The following NOL8 variants were observed in gnomAD, a reference collection of about 807,000 sequenced individuals.
NOL8 encodes the protein nucleolar protein 8.
NOL8 carries 93 observed loss-of-function variants against 116.1 expected under a neutral mutation model. That is an observed-to-expected ratio of 0.80 (90% CI 0.68 to 0.95). NOL8 has a LOEUF of 0.95. Ranked by LOEUF, NOL8 falls within the 40% of genes least tolerant of loss-of-function variation. The pLI is 0.00. For missense variants in NOL8, 1,291 were observed against 1,382.8 expected, an observed-to-expected ratio of 0.93 and a Z score of 1.05; for synonymous variants, 419 against 469.0, an observed-to-expected ratio of 0.89 and a Z score of 1.38.
intron 14 of NOL8, 22 bp from the exon 15 acceptor site, chr9:92,298,976 A>T: frequency 7.1e-7 from 1 of 1,406,640 alleles, no homozygotes; most frequent in Non-Finnish European, 9.6e-7. Flanking sequence ...GGGACAAAGG[A>T]GAGAGAAAAA....
In NOL8 at chr9:92,310,641, TCA is replaced by T; in HGVS notation, c.2505_2506del (p.Phe835LeufsTer2). 6.2e-7 allele frequency: 1 copy of T among 1,612,158 alleles called. No individual in the cohort carries two copies. The highest frequency in any genetic ancestry group is 8.5e-7 in the Non-Finnish European group (1 of 1,179,282). ...ATCAGATTCGTCATCATCACTGCTA[TCA>T]AACAGCTTCCCTGATGTTTTACCCA... On this transcript the variant is annotated frameshift_variant, in exon 9 of 17. Coordinates refer to ENST00000442668, the MANE Select transcript of NOL8 (RefSeq NM_017948.6). LOFTEE classifies it high-confidence loss of function.
At chr9:92,317,164 T>C (rs1314003360) in intron 6 of NOL8, among the ~76,000 whole-genome samples, 1 of 152,222 alleles carries the variant, frequency 6.6e-6, no homozygotes, top group Non-Finnish European at 1.5e-5. Flanking sequence ...AGTCTCACTA[T>C]GTTGCCTAGA....
At position 92,301,788 on chromosome 9, in the gene NOL8, C is replaced by G. The variant is rs753946992; in HGVS notation, c.2938G>C (p.Glu980Gln). 6.3e-7 allele frequency: 1 copy of G among 1,597,596 alleles called. No individual in the cohort carries two copies. The highest frequency in any genetic ancestry group is 8.5e-7 in the Non-Finnish European group (1 of 1,171,260). The change falls in exon 13 of 17, where the codon GAG (glutamate) becomes CAG (glutamine). Residue 980 changes from glutamate (E) to glutamine (Q), a missense_variant. By Grantham distance (29) the Glu-to-Gln change is conservative. Coordinates refer to ENST00000442668, the MANE Select transcript of NOL8 (RefSeq NM_017948.6). ...AKRKKKREEA[E>Q]KLPEVSKEMY... Reference sequence around the variant, plus strand: ...TCTTTAGACACCTCAGGTAGTTTCTCAGCTTCCTCCCTTTTCTTTTTTCGT... The same window carrying G: ...TCTTTAGACACCTCAGGTAGTTTCTGAGCTTCCTCCCTTTTCTTTTTTCGT...
chr9:92,312,827 CAAAAAAAAAAAAAA>C, intron 7 of NOL8, among the ~76,000 whole-genome samples: 1 of 55,454 alleles, frequency 1.8e-5, no homozygotes, highest in South Asian at 5.9e-4. Flanking sequence ...AACTCCATCT[CAAAAAAAAAAAAAA>C]AAAAAAAGAA....
At chr9:92,321,208 A>T (rs1241051159) in intron 4 of NOL8, among the ~76,000 whole-genome samples, 1 of 152,212 alleles carries the variant, frequency 6.6e-6, no homozygotes, top group Non-Finnish European at 1.5e-5. Flanking sequence ...ATAAACTGAG[A>T]GAAACACCTG....
chr9:92,305,872 G>A (rs1309257125), intron 11 of NOL8, 42 bp from the exon 12 acceptor site: 2 of 1,348,160 alleles, frequency 1.5e-6, no homozygotes, highest in East Asian at 2.3e-5. Context: ...GATAAAAACA[G>A]AACACTAATA....
At chr9:92,301,415 A>G (rs2134085269) in intron 13 of NOL8, 136 bp downstream of exon 13, 2 of 689,136 alleles carry the variant, frequency 2.9e-6, no homozygotes, top group East Asian at 6.3e-5. Flanking sequence ...CTCCTGTGAC[A>G]CTAAATCTCA....
At chr9:92,311,118 G>A in intron 8 of NOL8, 28 bp downstream of exon 8, 1 of 1,517,534 alleles carries the variant, frequency 6.6e-7, no homozygotes, top group Non-Finnish European at 9.1e-7. Flanking sequence ...GTAGATGAAT[G>A]TCCACAGAGA....
intron 7 of NOL8, among the ~76,000 whole-genome samples, chr9:92,313,949 TAGA>T (rs1839104709): frequency 6.6e-6 from 1 of 152,174 alleles, no homozygotes; most frequent in African/African-American, 2.4e-5. Flanking sequence ...TAACAATTGT[TAGA>T]AGAATGAACA....
At chr9:92,298,544 T>G (rs1368234565) in intron 15 of NOL8, 5 of 498,388 alleles carry the variant, frequency 1.0e-5, no homozygotes, top group Non-Finnish European at 1.8e-5. Flanking sequence ...TTTACTATTA[T>G]GTAACTTTGT....
chr9:92,302,460 G>A (rs189807076), intron 12 of NOL8, among the ~76,000 whole-genome samples: 63 of 152,248 alleles, frequency 4.1e-4, no homozygotes, highest in African/African-American at 1.4e-3. Context: ...AATGTACTAC[G>A]TAAAATAATA....
chr9:92,307,503 GAAA>G (rs1038793031), intron 10 of NOL8, among the ~76,000 whole-genome samples: 1 of 152,040 alleles, frequency 6.6e-6, no homozygotes, highest in Admixed American at 6.6e-5. Flanking sequence ...AGTATTATGG[GAAA>G]AAAACCATAT....
chr9:92,311,427 C>T (rs770908839), intron 7 of NOL8, among the ~76,000 whole-genome samples, 168 bp from the exon 8 acceptor site: 28 of 152,150 alleles, frequency 1.8e-4, no homozygotes, highest in Non-Finnish European at 2.9e-4. Flanking sequence ...CGTACAGAAT[C>T]GGAGAAAATA....
In NOL8 at chr9:92,315,339, T is replaced by G; in HGVS notation, c.1286A>C (p.Lys429Thr). The change falls in exon 7 of 17, where the codon AAA becomes ACA. Residue 429 changes from lysine to threonine, a missense_variant. Physicochemically the swap from Lys to Thr is moderately conservative, Grantham distance 78. Coordinates refer to ENST00000442668, the MANE Select transcript of NOL8 (RefSeq NM_017948.6). ...GGCTGACTCTACATTGCTTTTTCTT[T>G]TTTGTAGTTTAATACAGTGATCAGA... ...ELSDHCIKLQ[K>T]RKSNVESALS... The G allele has an allele frequency of 6.2e-7, 1 of 1,612,970 alleles. No individual in the cohort carries two copies. The highest frequency in any genetic ancestry group is 1.1e-5 in the South Asian group (1 of 90,908).
intron 6 of NOL8, among the ~76,000 whole-genome samples, chr9:92,318,258 T>C (rs1346423203): frequency 6.6e-6 from 1 of 152,110 alleles, no homozygotes; most frequent in Non-Finnish European, 1.5e-5. Context: ...CTACTTCCCA[T>C]CACTTCTTAT....
At position 92,314,780 on chromosome 9, in the gene NOL8, A is replaced by G. The variant is rs1385049428; in HGVS notation, c.1845T>C (p.Asp615=). 6.2e-7 allele frequency: 1 copy of G among 1,613,826 alleles called. No homozygotes were observed. Residue 615 remains aspartate, a synonymous_variant, in exon 7 of 17, where the codon GAT becomes GAC. Transcript: ENST00000442668. The part of the protein sequence containing the change: ...HEDPSIISME[D]GSPYVNGSLG... ...ATGAGCCATTAACATATGGGGACCC[A>G]TCTTCCATGGATATGATACTGGGAT...
intron 15 of NOL8, chr9:92,298,638 A>G (rs1837453007): frequency 2.1e-6 from 1 of 479,460 alleles, no homozygotes; most frequent in African/African-American, 2.0e-5. Flanking sequence ...GGGGTTTTAT[A>G]TGTCTAACAT....
chr9:92,303,649 C>T (rs904181439), intron 12 of NOL8, among the ~76,000 whole-genome samples: 2 of 152,104 alleles, frequency 1.3e-5, no homozygotes, highest in Non-Finnish European at 1.5e-5. Context: ...TAAGAAGCTT[C>T]CAACTGTTAC....
chr9:92,297,557 C>T lies in NOL8; in HGVS notation c.*279G>A. On this transcript the variant is annotated 3_prime_UTR_variant, in exon 17 of 17. Transcript: ENST00000442668. ...CATGAGAAGATGTCCATTAGTTACT[C>T]AGGATAGAGGGCAAAGAGATTATAT... 3.1e-6 allele frequency: 1 copy of T among 320,974 alleles called. No individual in the cohort carries two copies. The highest frequency in any genetic ancestry group is 6.3e-5 in the South Asian group (1 of 15,876). The allele number at this position is 320,974 out of a possible 1,614,324, so 19.9% of individuals were successfully genotyped here.
Sources: gnomAD v4.1 joint callset for allele counts (sites outside exome capture counted in the v4.1 genomes callset) on GRCh38, gnomAD v4.1.1 for gene constraint, MANE v1.5 for transcripts, NCBI Gene and HGNC (gene_info 2026-07-23, HGNC 2026-07-21) for gene names.